The following CFAP221 variants were observed in gnomAD, a reference collection of about 807,000 sequenced individuals.
The protein encoded by CFAP221 is cilia- and flagella-associated protein 221.
Under a neutral mutation model 113.1 loss-of-function variants are expected in CFAP221, and 97 were observed. The ratio of observed to expected loss-of-function variants is 0.86; its 90% CI spans 0.73 to 1.02. CFAP221 has a LOEUF of 1.02. CFAP221 is among the 50% of genes least tolerant of loss of function. CFAP221 has a pLI of 0.00. For missense variants in CFAP221, 1,025 were observed against 1,013.4 expected (o/e 1.01, Z -0.16); for synonymous variants, 331 against 354.4 (o/e 0.93, Z 0.74).
intron 22 of CFAP221, 86 bp from the exon 23 acceptor site, chr2:119,651,888 A>C: frequency 1.9e-6 from 2 of 1,027,134 alleles, no homozygotes; most frequent in Non-Finnish European, 2.8e-6. Flanking sequence ...AGAATTGCAT[A>C]ACTCCTAAAT....
chr2:119,630,718 C>A lies in CFAP221; in HGVS notation c.1839+41C>A, dbSNP rs1279509438. On this transcript the variant is annotated intron_variant, in intron 18 of 23. Coordinates refer to ENST00000413369, the MANE Select transcript of CFAP221 (RefSeq NM_001271049.2). ...CTTCCAGAATCTCTCTCATCTTTTC[C>A]CTCTTATCCTGGCATCAAAACTAAC... is the stretch of plus-strand genomic sequence containing the variant. 4 of 1,604,606 alleles carry A rather than the reference C, an allele frequency of 2.5e-6. No individual in the cohort carries two copies. The East Asian group carries it at 8.9e-5, about 36-fold the overall frequency.
chr2:119,596,906 C>T (rs1404288409), intron 7 of CFAP221, among the ~76,000 whole-genome samples: 3 of 152,148 alleles, frequency 2.0e-5, no homozygotes, highest in African/African-American at 4.8e-5. Context: ...AGCTGTGGAT[C>T]GCCTGCACTT....
At chr2:119,637,467 T>TG (rs1323693559) in intron 19 of CFAP221, among the ~76,000 whole-genome samples, 2 of 152,178 alleles carry the variant, frequency 1.3e-5, no homozygotes, top group African/African-American at 4.8e-5. Flanking sequence ...AGTGGTTTTG[T>TG]GGGGCGTTTT....
chr2:119,562,190 T>C, intron 6 of CFAP221, 76 bp downstream of exon 6: 1 of 1,041,906 alleles, frequency 9.6e-7, no homozygotes, highest in Non-Finnish European at 1.4e-6. Context: ...CTTAGACTTT[T>C]GTTTTTCCTA....
At chr2:119,606,409 G>C (rs1046611728) in intron 11 of CFAP221, among the ~76,000 whole-genome samples, 1 of 151,978 alleles carries the variant, frequency 6.6e-6, no homozygotes, top group African/African-American at 2.4e-5. Flanking sequence ...GCCCTCACCT[G>C]AAGCCCTCTG....
intron 12 of CFAP221, among the ~76,000 whole-genome samples, chr2:119,611,347 C>T (rs866331916): frequency 2.4e-4 from 33 of 140,126 alleles, no homozygotes; most frequent in African/African-American, 8.3e-4. Context: ...GGCGTGAACC[C>T]GGGAGGCGGA....
intron 7 of CFAP221, among the ~76,000 whole-genome samples, chr2:119,591,448 G>A (rs1173210213): frequency 6.6e-6 from 1 of 152,184 alleles, no homozygotes; most frequent in Non-Finnish European, 1.5e-5. Context: ...GGGTGGCAGT[G>A]GTTGCACACA....
chr2:119,645,488 A>G (rs1033978492), intron 21 of CFAP221, among the ~76,000 whole-genome samples: 4 of 148,112 alleles, frequency 2.7e-5, no homozygotes, highest in East Asian at 4.0e-4. Context: ...GCTTTTCTGC[A>G]TTTGTTTTTT....
intron 23 of CFAP221, among the ~76,000 whole-genome samples, chr2:119,655,237 AG>A (rs1462849937): frequency 6.6e-6 from 1 of 152,242 alleles, no homozygotes; most frequent in Non-Finnish European, 1.5e-5. Context: ...CAAGACCCAC[AG>A]GGGAATCACA....
downstream of CFAP221, among the ~76,000 whole-genome samples, chr2:119,658,644 C>T (rs1360665588): frequency 1.3e-5 from 2 of 151,780 alleles, no homozygotes; most frequent in African/African-American, 4.8e-5. Context: ...CACACACACA[C>T]ATTTTCATCT....
At chr2:119,633,422 T>C (rs921836702) in intron 19 of CFAP221, among the ~76,000 whole-genome samples, 1 of 151,712 alleles carries the variant, frequency 6.6e-6, no homozygotes, top group African/African-American at 2.4e-5. Context: ...AAAATATAAA[T>C]TACAGACTTG....
At chr2:119,590,719 G>T (rs13424458) in intron 7 of CFAP221, among the ~76,000 whole-genome samples, 6,048 of 152,290 alleles carry the variant, frequency 0.04, 275 homozygotes, top group African/African-American at 0.11. Context: ...CACATAATAA[G>T]CCCTACCTGC....
intron 6 of CFAP221, among the ~76,000 whole-genome samples, chr2:119,579,985 G>T (rs1190401098): frequency 6.6e-6 from 1 of 152,144 alleles, no homozygotes; most frequent in Non-Finnish European, 1.5e-5. Flanking sequence ...CCATATTTGG[G>T]CCTTTCAACA....
intron 7 of CFAP221, among the ~76,000 whole-genome samples, chr2:119,595,496 A>G (rs1018082322): frequency 3.3e-5 from 5 of 152,026 alleles, no homozygotes; most frequent in Non-Finnish European, 5.9e-5. Context: ...GCTTTACTTC[A>G]CTATCTTTTG....
intron 6 of CFAP221, among the ~76,000 whole-genome samples, chr2:119,582,456 TC>T (rs1682915389): frequency 1.3e-5 from 2 of 150,732 alleles, no homozygotes; most frequent in South Asian, 2.1e-4. Flanking sequence ...GTAAGACATA[TC>T]TTTTTTTTTT....
chr2:119,554,273 AG>A (rs1454144559), intron 3 of CFAP221, among the ~76,000 whole-genome samples: 2 of 152,266 alleles, frequency 1.3e-5, no homozygotes, highest in African/African-American at 4.8e-5. Flanking sequence ...AGATCAATCC[AG>A]ATCTGGCTAA....
intron 3 of CFAP221, among the ~76,000 whole-genome samples, chr2:119,555,749 C>T (rs918207092): frequency 3.9e-5 from 6 of 152,174 alleles, no homozygotes; most frequent in African/African-American, 1.2e-4. Context: ...CTTGCACTCA[C>T]CCTGTGGCAT....
At chr2:119,609,914 T>C (rs1685034359) in intron 12 of CFAP221, among the ~76,000 whole-genome samples, 1 of 152,222 alleles carries the variant, frequency 6.6e-6, no homozygotes, top group African/African-American at 2.4e-5. Context: ...TTTTTCTTCA[T>C]TTTTCATAAG....
intron 23 of CFAP221, among the ~76,000 whole-genome samples, chr2:119,652,900 T>C (rs1321300589): frequency 1.3e-5 from 2 of 149,428 alleles, no homozygotes; most frequent in African/African-American, 4.9e-5. Context: ...CCAAAGGTAG[T>C]AACATACATT....
Sources: allele counts gnomAD v4.1 joint callset (sites outside exome capture counted in the v4.1 genomes callset), GRCh38; gene constraint gnomAD v4.1.1; transcripts MANE v1.5; gene names NCBI Gene and HGNC (gene_info 2026-07-23, HGNC 2026-07-21).